LRP1B: variants seen among roughly 807,000 people sequenced by gnomAD.
LRP1B encodes low-density lipoprotein receptor-related protein 1B.
Under a neutral mutation model 556.6 loss-of-function variants are expected in LRP1B, and 217 were observed. That is an observed-to-expected ratio of 0.39 (90% CI 0.35 to 0.44). The LOEUF (loss-of-function observed/expected upper bound fraction) is 0.44, where lower values mean the gene tolerates loss of function less well. LRP1B is among the 20% of genes least tolerant of loss of function. The probability of loss-of-function intolerance (pLI) is 1.00; values close to 1 mark genes in which losing one functional copy is unlikely to be tolerated. For missense variants in LRP1B, 5,053 were observed against 5,620.8 expected, an observed-to-expected ratio of 0.90 and a Z score of 3.23; for synonymous variants, 2,047 against 1,865.8, an observed-to-expected ratio of 1.10 and a Z score of -2.50.
chr2:141,204,973 G>A (rs1682208325), intron 6 of LRP1B, among the ~76,000 whole-genome samples: 1 of 151,992 alleles, frequency 6.6e-6, no homozygotes, highest in African/African-American at 2.4e-5. Flanking sequence ...AAGAATTTTA[G>A]AAATGTATAT....
In LRP1B at chr2:141,410,615, C is replaced by T. The variant is rs564083892; in HGVS notation, c.343+69781G>A. ...CTATTTCTACAAATGGAAAAATATT[C>T]AGTAACATAATCATTATATGTATCT... On this transcript the variant is annotated intron_variant, in intron 3 of 90. Coordinates refer to ENST00000389484, the MANE Select transcript of LRP1B (RefSeq NM_018557.3). 1.1e-4 allele frequency among the ~76,000 whole-genome samples: 16 copies of T among 152,066 alleles called. No homozygotes were observed. The South Asian group carries it at 3.1e-3, about 30-fold the overall frequency.
At chr2:140,455,027 A>C (rs1687038783) in intron 62 of LRP1B, among the ~76,000 whole-genome samples, 1 of 152,190 alleles carries the variant, frequency 6.6e-6, no homozygotes, top group South Asian at 2.1e-4. Flanking sequence ...AGATTATTTT[A>C]GAATAACCTG....
chr2:140,827,475 G>C (rs1390770430), intron 31 of LRP1B, among the ~76,000 whole-genome samples: 1 of 151,802 alleles, frequency 6.6e-6, no homozygotes, highest in Non-Finnish European at 1.5e-5. Flanking sequence ...CAAGTTTCCT[G>C]AACTAAAAAA....
At chr2:141,792,510 G>A (rs143572675) in intron 2 of LRP1B, among the ~76,000 whole-genome samples, 376 of 152,082 alleles carry the variant, frequency 2.5e-3, no homozygotes, top group Middle Eastern at 6.8e-3. Context: ...AATGAATCAC[G>A]TGTTGTATAG....
chr2:140,966,571 T>G (rs575100816), intron 18 of LRP1B, among the ~76,000 whole-genome samples: 1,533 of 152,290 alleles, frequency 0.01, 30 homozygotes, highest in African/African-American at 0.036. Flanking sequence ...GTCAATTTTG[T>G]CTTTTGTTGC....
At chr2:142,075,190 T>A (rs1705453250) in intron 1 of LRP1B, among the ~76,000 whole-genome samples, 2 of 152,120 alleles carry the variant, frequency 1.3e-5, no homozygotes, top group South Asian at 4.1e-4. Context: ...TTGAAAATTG[T>A]ATTGAGCATA....
At chr2:141,503,292 T>A (rs558521266) in intron 2 of LRP1B, among the ~76,000 whole-genome samples, 5 of 148,138 alleles carry the variant, frequency 3.4e-5, no homozygotes, top group South Asian at 2.1e-4. Flanking sequence ...ACAATTATTT[T>A]TATATATATA....
intron 3 of LRP1B, among the ~76,000 whole-genome samples, chr2:141,324,940 T>C (rs1043441280): frequency 2.0e-5 from 3 of 152,088 alleles, no homozygotes; most frequent in African/African-American, 7.2e-5. Context: ...TAAAATATTT[T>C]ATTCAGGATG....
At chr2:140,406,094 TA>T (rs1237397721) in intron 66 of LRP1B, among the ~76,000 whole-genome samples, 1 of 152,056 alleles carries the variant, frequency 6.6e-6, no homozygotes, top group Non-Finnish European at 1.5e-5. Context: ...CAAAACCATA[TA>T]ATCATCTTAA....
chr2:140,721,512 G>A (rs1436527683), intron 35 of LRP1B, among the ~76,000 whole-genome samples: 1 of 139,900 alleles, frequency 7.1e-6, no homozygotes, highest in Non-Finnish European at 1.5e-5. Context: ...AGTGATAAAT[G>A]TGTTGAATTG....
Position 141,000,665 on chromosome 2 carries a change from T to A in LRP1B, c.2503+4670A>T, listed in dbSNP as rs537984700. ...TCGCAGAGGACTGATTCGTAACTCA[T>A]CTTTCATTTTCTTTTGAGCCACAGA... is the stretch of plus-strand genomic sequence containing the variant. On this transcript the variant is annotated intron_variant, in intron 15 of 90. Transcript: ENST00000389484. Among the ~76,000 whole-genome samples, 19 of 152,190 alleles carry A rather than the reference T, an allele frequency of 1.2e-4. No homozygotes were observed. In the South Asian group the frequency reaches 3.7e-3, roughly 30 times the overall value.
chr2:141,797,162 T>C (rs1189336341), intron 2 of LRP1B, among the ~76,000 whole-genome samples: 3 of 85,728 alleles, frequency 3.5e-5, no homozygotes, highest in Non-Finnish European at 5.3e-5. Flanking sequence ...TATATATATA[T>C]ATATATATAT....
At chr2:141,740,770 C>T (rs1245637714) in intron 2 of LRP1B, among the ~76,000 whole-genome samples, 1 of 152,172 alleles carries the variant, frequency 6.6e-6, no homozygotes, top group Non-Finnish European at 1.5e-5. Context: ...AGATACCATG[C>T]CACCAGCTAG....
chr2:140,870,896 T>C (rs772444021), intron 25 of LRP1B, among the ~76,000 whole-genome samples: 1 of 152,148 alleles, frequency 6.6e-6, no homozygotes, highest in Non-Finnish European at 1.5e-5. Flanking sequence ...ATATTCACCA[T>C]GACTTCTATT....
intron 43 of LRP1B, among the ~76,000 whole-genome samples, chr2:140,564,350 C>T (rs1476872061): frequency 2.0e-5 from 3 of 151,932 alleles, no homozygotes; most frequent in Admixed American, 6.6e-5. Context: ...CATACAATAA[C>T]AAAAACTAAG....
intron 7 of LRP1B, among the ~76,000 whole-genome samples, chr2:141,183,728 C>T (rs900594833): frequency 6.6e-6 from 1 of 151,976 alleles, no homozygotes; most frequent in Non-Finnish European, 1.5e-5. Context: ...TTTTACTTAA[C>T]ATAGGAGATC....
At chr2:141,264,017 C>T (rs572470346) in intron 3 of LRP1B, among the ~76,000 whole-genome samples, 6 of 152,286 alleles carry the variant, frequency 3.9e-5, no homozygotes, top group East Asian at 3.9e-4. Flanking sequence ...CCTTGAAACA[C>T]GAACATGTCA....
chr2:141,281,844 A>C (rs1200576672), intron 3 of LRP1B, among the ~76,000 whole-genome samples: 1 of 152,198 alleles, frequency 6.6e-6, no homozygotes, highest in South Asian at 2.1e-4. Flanking sequence ...CTTACTAGCT[A>C]TGTGAGCTAC....
rs2105189727 is a variant in LRP1B, at chr2:140,598,820, G to A, written c.7005C>T (p.Thr2335=). 6.2e-7 allele frequency: 1 copy of A among 1,602,246 alleles called. No individual in the cohort carries two copies. Among genetic ancestry groups the A allele is most frequent in the Non-Finnish European group, 8.5e-7 (1 of 1,169,992 alleles). The change falls in exon 43 of 91, where the codon ACC becomes ACT. Residue 2335 remains threonine (T), a synonymous_variant. Transcript: ENST00000389484. ...TACTTGGATGTTGTTCATTCCAGTTGGTCCAAAACATTAAACTAATTAAAA... is the reference window on the plus strand; with the variant it reads ...TACTTGGATGTTGTTCATTCCAGTTAGTCCAAAACATTAAACTAATTAAAA... The part of the protein sequence containing the change: ...LDECQNLMFW[T]NWNEQHPSIM...
Sources: allele counts gnomAD v4.1 joint callset (sites outside exome capture counted in the v4.1 genomes callset), GRCh38; gene constraint gnomAD v4.1.1; transcripts MANE v1.5; gene names NCBI Gene and HGNC (gene_info 2026-07-23, HGNC 2026-07-21).